PCDH10: variants seen among roughly 807,000 people sequenced by gnomAD.
The protein encoded by PCDH10 is protocadherin 10, also known as protocadherin-10.
A neutral mutation model predicts 74.4 loss-of-function variants in PCDH10; 15 were observed. The observed-to-expected ratio is 0.20, with a 90% CI of 0.13 to 0.31. The LOEUF is 0.31. PCDH10 is among the 10% of genes least tolerant of loss of function. The pLI is 1.00. For synonymous variants in PCDH10, 619 were observed against 589.8 expected, an observed-to-expected ratio of 1.05 and a Z score of -0.72; for missense variants, 1,260 against 1,390.2, an observed-to-expected ratio of 0.91 and a Z score of 1.49.
At chr4:133,189,687 A>C (rs775551993) in intron 4 of PCDH10, among the ~76,000 whole-genome samples, 4 of 152,074 alleles carry the variant, frequency 2.6e-5, no homozygotes, top group Non-Finnish European at 4.4e-5. Context: ...TTTCTGGTAC[A>C]GTTTTCCATA....
chr4:133,185,868 C>T (rs933782524), intron 4 of PCDH10, among the ~76,000 whole-genome samples: 2 of 151,988 alleles, frequency 1.3e-5, no homozygotes, highest in Non-Finnish European at 2.9e-5. Flanking sequence ...GCAAGTTTGA[C>T]CATGTGAATA....
chr4:133,183,701 A>G (rs1271580299), intron 4 of PCDH10, among the ~76,000 whole-genome samples: 1 of 152,096 alleles, frequency 6.6e-6, no homozygotes, highest in Admixed American at 6.6e-5. Flanking sequence ...CATTGCACAC[A>G]CTCTGCTAGG....
intron 4 of PCDH10, chr4:133,164,120 C>T: frequency 2.3e-6 from 1 of 428,550 alleles, no homozygotes; most frequent in Non-Finnish European, 4.6e-6. Flanking sequence ...CACAAATACC[C>T]CAGCATGATG....
At chr4:133,201,972 G>A (rs2125877893) in intron 2 of PCDH10, among the ~76,000 whole-genome samples, 1 of 152,008 alleles carries the variant, frequency 6.6e-6, no homozygotes, top group African/African-American at 2.4e-5. Context: ...GGCATTTGAG[G>A]CTCTCTTGGT....
chr4:133,176,077 A>G (rs1413243127), intron 4 of PCDH10, among the ~76,000 whole-genome samples: 1 of 152,106 alleles, frequency 6.6e-6, no homozygotes, highest in Non-Finnish European at 1.5e-5. Flanking sequence ...CACTAATTTT[A>G]CCATTTTGAC....
chr4:133,182,906 A>G (rs1727446299), intron 4 of PCDH10, among the ~76,000 whole-genome samples: 1 of 152,124 alleles, frequency 6.6e-6, no homozygotes, highest in Admixed American at 6.6e-5. Context: ...AGAACGTTTT[A>G]CAAAATTCTA....
intron 1 of PCDH10, 123 bp from the exon 2 acceptor site, chr4:133,154,184 G>A: frequency 1.5e-6 from 1 of 665,934 alleles, no homozygotes; most frequent in Non-Finnish European, 2.6e-6. Flanking sequence ...TTTTAGGAGA[G>A]CTTGGAAATT....
chr4:133,171,923 C>T (rs1241172244), intron 4 of PCDH10, among the ~76,000 whole-genome samples: 1 of 151,726 alleles, frequency 6.6e-6, no homozygotes, highest in Non-Finnish European at 1.5e-5. Context: ...ATAGCTTTAT[C>T]CTGATTCTTT....
At chr4:133,174,632 T>C (rs1372224547) in intron 4 of PCDH10, among the ~76,000 whole-genome samples, 4 of 151,060 alleles carry the variant, frequency 2.6e-5, no homozygotes. Context: ...TACTTTATAT[T>C]ATTATATAAA....
At position 133,165,067 on chromosome 4, in the gene PCDH10, T is replaced by C. The variant is rs143638288; in HGVS notation, c.3103+1785T>C. On this transcript the variant is annotated intron_variant, in intron 4 of 4. Coordinates refer to ENST00000264360, the MANE Select transcript of PCDH10 (RefSeq NM_032961.3). ...CAACATATATTCATATATATACACATATATATATACATACATATATTCATA... is the reference window on the plus strand; with the variant it reads ...CAACATATATTCATATATATACACACATATATATACATACATATATTCATA... 2.2e-3 allele frequency among the ~76,000 whole-genome samples: 325 copies of C among 147,796 alleles called. 1 individual carries two copies. The highest frequency in any genetic ancestry group is 7.5e-3 in the African/African-American group (305 of 40,682).
downstream of PCDH10, among the ~76,000 whole-genome samples, chr4:133,198,006 T>A (rs923750470): frequency 2.8e-5 from 4 of 143,930 alleles, no homozygotes; most frequent in Middle Eastern, 3.6e-3. Context: ...TGTGTGTGTG[T>A]GATTGGGAAA....
At chr4:133,189,863 AC>A (rs1399469087) in intron 4 of PCDH10, among the ~76,000 whole-genome samples, 1 of 152,022 alleles carries the variant, frequency 6.6e-6, no homozygotes, top group East Asian at 1.9e-4. Flanking sequence ...TATGTAGATA[AC>A]TTTAAAAAGT....
chr4:133,187,280 TG>T (rs1727562960), intron 4 of PCDH10, among the ~76,000 whole-genome samples: 1 of 152,098 alleles, frequency 6.6e-6, no homozygotes, highest in Admixed American at 6.6e-5. Context: ...AATGAAGTGA[TG>T]TGCCTGGTGT....
chr4:133,193,565 T>C lies in PCDH10; in HGVS notation c.*3405T>C, dbSNP rs1402732077. On this transcript the variant is annotated 3_prime_UTR_variant, in exon 5 of 5. Coordinates refer to ENST00000264360, the MANE Select transcript of PCDH10 (RefSeq NM_032961.3). ...GTACCATTTTACCTTCTAAACATTA[T>C]TTACTGGAGCTCAGTTAGTCTTTAA... 6.6e-6 allele frequency: 1 copy of C among 151,622 alleles called. No individual in the cohort carries two copies. The highest frequency in any genetic ancestry group is 2.4e-5 in the African/African-American group (1 of 41,406). 9.4% of individuals were successfully genotyped at this position (151,622 alleles called of 1,614,324 possible).
At chr4:133,178,526 C>T (rs1020368885) in intron 4 of PCDH10, among the ~76,000 whole-genome samples, 5 of 149,060 alleles carry the variant, frequency 3.4e-5, no homozygotes, top group African/African-American at 5.0e-5. Flanking sequence ...ATGAGCCACC[C>T]GGCCTGGACT....
At chr4:133,200,479 C>T (rs985798269) in intron 2 of PCDH10, among the ~76,000 whole-genome samples, 5 of 152,046 alleles carry the variant, frequency 3.3e-5, no homozygotes, top group African/African-American at 9.6e-5. Flanking sequence ...AAAATCTTTC[C>T]TATGCATCTG....
At chr4:133,207,606 A>G (rs1352654719) in intron 2 of PCDH10, among the ~76,000 whole-genome samples, 2 of 152,200 alleles carry the variant, frequency 1.3e-5, no homozygotes, top group East Asian at 3.8e-4. Context: ...TGTTTAAAAA[A>G]AGATAAAAAT....
Position 133,155,037 on chromosome 4 carries a change from A to C in PCDH10, c.2797+14A>C, listed in dbSNP as rs753628869. 6.7e-7 allele frequency: 1 copy of C among 1,501,628 alleles called. No individual in the cohort carries two copies. The highest frequency in any genetic ancestry group is 9.3e-7 in the Non-Finnish European group (1 of 1,077,470). The allele number at this position is 1,501,628 out of a possible 1,614,324, so 93.0% of individuals were successfully genotyped here. On this transcript the variant is annotated intron_variant, in intron 3 of 4. Coordinates refer to ENST00000264360, the MANE Select transcript of PCDH10 (RefSeq NM_032961.3). ...CCCAGTCAGCTGGTAAGTGTGATCAAAGGGCAATCTAAATGCTAACTTTTA... is the reference window on the plus strand; with the variant it reads ...CCCAGTCAGCTGGTAAGTGTGATCACAGGGCAATCTAAATGCTAACTTTTA...
intron 2 of PCDH10, among the ~76,000 whole-genome samples, chr4:133,207,850 T>G (rs1728038432): frequency 6.6e-6 from 1 of 152,174 alleles, no homozygotes; most frequent in Non-Finnish European, 1.5e-5. Context: ...TATGTAGGGT[T>G]GACAGCCTCT....
Sources: gnomAD v4.1 joint callset for allele counts (sites outside exome capture counted in the v4.1 genomes callset) on GRCh38, gnomAD v4.1.1 for gene constraint, MANE v1.5 for transcripts, NCBI Gene and HGNC (gene_info 2026-07-23, HGNC 2026-07-21) for gene names.